The following SLIT2 variants were observed in gnomAD, a reference collection of about 807,000 sequenced individuals.
SLIT2 encodes the protein slit guidance ligand 2, also known as slit homolog 2 protein.
A neutral mutation model predicts 185.7 loss-of-function variants in SLIT2; 41 were observed. The ratio of observed to expected loss-of-function variants is 0.22; its 90% CI spans 0.17 to 0.29. The LOEUF is 0.29. Among genes scored for constraint, SLIT2 ranks in the 10% least tolerant of loss-of-function variants. SLIT2 has a pLI of 1.00. For synonymous variants in SLIT2, 693 were observed against 680.2 expected, an observed-to-expected ratio of 1.02 and a Z score of -0.29; for missense variants, 1,571 against 1,909.0, an observed-to-expected ratio of 0.82 and a Z score of 3.30.
rs74513378 is a variant in SLIT2 at position 20,488,809 on chromosome 4, T to C, written c.612-10T>C. The C allele has an allele frequency of 2.9e-5, 45 of 1,562,500 alleles. No homozygotes were observed. In the East Asian group the frequency reaches 9.6e-4, roughly 33 times the overall value. ...TTTTCTTGCTTTACACTTCTTTTTT[T>C]CTCATTTAGTCGACTGCATTCAAAC... On this transcript the variant is annotated splice_polypyrimidine_tract_variant and intron_variant, in intron 7 of 36. Transcript: ENST00000504154.
chr4:20,282,424 G>GT (rs1714863407), intron 4 of SLIT2, among the ~76,000 whole-genome samples: 2 of 152,144 alleles, frequency 1.3e-5, no homozygotes, highest in East Asian at 3.9e-4. Flanking sequence ...CATTTGGGTT[G>GT]TTTTTTAAAA....
chr4:20,439,073 G>A (rs368816752), intron 4 of SLIT2, among the ~76,000 whole-genome samples: 4 of 152,174 alleles, frequency 2.6e-5, no homozygotes, highest in Non-Finnish European at 2.9e-5. Context: ...AGAGCAGGGC[G>A]TTGCACATGA....
chr4:20,445,821 C>T (rs1711719467), intron 4 of SLIT2, among the ~76,000 whole-genome samples: 1 of 152,162 alleles, frequency 6.6e-6, no homozygotes, highest in African/African-American at 2.4e-5. Context: ...ACCTCTGCAA[C>T]TTTGGACAAA....
intron 4 of SLIT2, among the ~76,000 whole-genome samples, chr4:20,291,478 ATATATATATATATATTTTTTTTTTTTTTT>A (rs1481473524): frequency 0.027 from 426 of 15,754 alleles, no homozygotes; most frequent in East Asian, 0.067. Flanking sequence ...ATATATATAT[ATATATATATATATATTTTTTTTTTTTTTT>A]TTTTTTTTTT....
At chr4:20,587,963 A>G (rs1727200361) in intron 29 of SLIT2, among the ~76,000 whole-genome samples, 1 of 152,202 alleles carries the variant, frequency 6.6e-6, no homozygotes, top group African/African-American at 2.4e-5. Context: ...AGTTTTTACA[A>G]ACTGTCTTGG....
In SLIT2 at chr4:20,489,164, G is replaced by A. The variant is rs75701950; in HGVS notation, c.775+182G>A. Reference sequence around the variant, plus strand: ...TTCTGAGACCTCACTATATCGGTTGGCAAGTACTGGTTACTTGTATCTAAA... The same window carrying A: ...TTCTGAGACCTCACTATATCGGTTGACAAGTACTGGTTACTTGTATCTAAA... On this transcript the variant is annotated intron_variant, in intron 8 of 36. Transcript: ENST00000504154. 9.8e-5 allele frequency among the ~76,000 whole-genome samples: 15 copies of A among 152,296 alleles called. No homozygotes were observed. In the East Asian group the frequency reaches 2.7e-3, roughly 27 times the overall value.
chr4:20,441,114 T>C (rs1313156093), intron 4 of SLIT2, among the ~76,000 whole-genome samples: 1 of 152,094 alleles, frequency 6.6e-6, no homozygotes, highest in African/African-American at 2.4e-5. Flanking sequence ...ATACACAATG[T>C]GCTTTTAATA....
At chr4:20,547,674 A>G (rs1469964254) in intron 22 of SLIT2, among the ~76,000 whole-genome samples, 2 of 150,606 alleles carry the variant, frequency 1.3e-5, no homozygotes, top group African/African-American at 2.4e-5. Context: ...GTTATTATAA[A>G]TGGTGAATAT....
intron 4 of SLIT2, among the ~76,000 whole-genome samples, chr4:20,290,756 T>A (rs78267156): frequency 1.9e-5 from 1 of 52,146 alleles, no homozygotes; most frequent in Non-Finnish European, 3.3e-5. Context: ...GTTTTCATGG[T>A]TTTTTTTTTT....
intron 4 of SLIT2, among the ~76,000 whole-genome samples, chr4:20,417,512 A>ATG (rs1230271427): frequency 2.4e-4 from 35 of 148,252 alleles, no homozygotes; most frequent in African/African-American, 7.7e-4. Context: ...ATATATAGAT[A>ATG]TGTGTGTGTG....
chr4:20,554,215 G>A lies in SLIT2; in HGVS notation c.2725+247G>A, dbSNP rs764332020. On this transcript the variant is annotated intron_variant, in intron 26 of 36. Transcript: ENST00000504154. ...TTTTCTTGAAAGTGTATCAAAAAAC[G>A]TAGAGTTCACAATTTCTGGAAATTC... 2.1e-5 allele frequency: 12 copies of A among 573,548 alleles called. No individual in the cohort carries two copies. The East Asian group carries it at 2.1e-4, about 10-fold the overall frequency. 35.5% of individuals were successfully genotyped at this position (573,548 alleles called of 1,614,324 possible).
chr4:20,522,727 C>G (rs9994080), intron 12 of SLIT2, among the ~76,000 whole-genome samples: 21,800 of 151,874 alleles, frequency 0.14, 1,646 homozygotes, highest in East Asian at 0.24. Flanking sequence ...AAAAGTTAAA[C>G]AGGTATTTAT....
At chr4:20,429,042 G>A (rs963052714) in intron 4 of SLIT2, among the ~76,000 whole-genome samples, 5 of 152,132 alleles carry the variant, frequency 3.3e-5, no homozygotes, top group South Asian at 2.1e-4. Flanking sequence ...GAGCTGTCAC[G>A]TCCTCTATGG....
chr4:20,297,326 T>C (rs1482031233), intron 4 of SLIT2, among the ~76,000 whole-genome samples: 1 of 152,240 alleles, frequency 6.6e-6, no homozygotes, highest in African/African-American at 2.4e-5. Context: ...TTTTAAAATG[T>C]GGAAGCAAGT....
intron 4 of SLIT2, among the ~76,000 whole-genome samples, chr4:20,270,146 G>T (rs1292816900): frequency 6.6e-6 from 1 of 151,918 alleles, no homozygotes; most frequent in African/African-American, 2.4e-5. Context: ...AGGAAATAGG[G>T]TGTAGGTTTG....
chr4:20,364,924 A>T (rs1188708220), intron 4 of SLIT2, among the ~76,000 whole-genome samples: 3 of 152,112 alleles, frequency 2.0e-5, no homozygotes, highest in Non-Finnish European at 4.4e-5. Context: ...TCATGACTGT[A>T]GCATGTCTTA....
At chr4:20,601,906 T>C (rs1728439899) in intron 33 of SLIT2, among the ~76,000 whole-genome samples, 1 of 152,246 alleles carries the variant, frequency 6.6e-6, no homozygotes, top group African/African-American at 2.4e-5. Flanking sequence ...AATTTTGCAT[T>C]ATTTAATATA....
chr4:20,316,031 T>C (rs1718545441), intron 4 of SLIT2, among the ~76,000 whole-genome samples: 1 of 152,036 alleles, frequency 6.6e-6, no homozygotes, highest in South Asian at 2.1e-4. Flanking sequence ...TACTCCACAA[T>C]AAAGTCACCT....
At chr4:20,396,168 C>A (rs965750905) in intron 4 of SLIT2, among the ~76,000 whole-genome samples, 2 of 151,770 alleles carry the variant, frequency 1.3e-5, no homozygotes, top group Admixed American at 6.6e-5. Flanking sequence ...TTTAACACAG[C>A]AGAATTTAAT....
Sources: allele counts gnomAD v4.1 joint callset (sites outside exome capture counted in the v4.1 genomes callset), GRCh38; gene constraint gnomAD v4.1.1; transcripts MANE v1.5; gene names NCBI Gene and HGNC (gene_info 2026-07-23, HGNC 2026-07-21).